The following NUSAP1 variants were observed in gnomAD, a reference collection of about 807,000 sequenced individuals.
The protein encoded by NUSAP1 is nucleolar and spindle associated protein 1.
Under a neutral mutation model 52.8 loss-of-function variants are expected in NUSAP1, and 32 were observed. The observed-to-expected ratio is 0.61, with a 90% confidence interval of 0.46 to 0.81. The LOEUF is 0.81. NUSAP1 is among the 40% of genes least tolerant of loss of function. The probability of loss-of-function intolerance (pLI) is 0.00; values close to 1 mark genes in which losing one functional copy is unlikely to be tolerated. For missense variants in NUSAP1, 499 were observed against 522.3 expected (o/e 0.96, Z 0.43); for synonymous variants, 195 against 183.1 (o/e 1.06, Z -0.52).
chr15:41,375,681 A>T, intron 8 of NUSAP1, 31 bp from the exon 9 acceptor site: 1 of 1,333,230 alleles, frequency 7.5e-7, no homozygotes, highest in Non-Finnish European at 1.1e-6. Context: ...GTTTCTAATT[A>T]AGCTCTTGGG....
At chr15:41,353,827 A>G (rs1484473876) in intron 4 of NUSAP1, among the ~76,000 whole-genome samples, 1 of 151,310 alleles carries the variant, frequency 6.6e-6, no homozygotes, top group Non-Finnish European at 1.5e-5. Flanking sequence ...AACGTCCTCC[A>G]CTCCCTCTTA....
At chr15:41,362,458 C>T (rs2049214576) in intron 6 of NUSAP1, among the ~76,000 whole-genome samples, 2 of 148,384 alleles carry the variant, frequency 1.3e-5, no homozygotes, top group Admixed American at 1.3e-4. Context: ...CGCTCTGTCA[C>T]CCAGGCTGGA....
chr15:41,359,430 G>A (rs921095289), intron 6 of NUSAP1, among the ~76,000 whole-genome samples: 6 of 152,142 alleles, frequency 3.9e-5, no homozygotes, highest in African/African-American at 1.4e-4. Flanking sequence ...AATTAGCACT[G>A]TTAGTAGGTA....
At chr15:41,367,526 G>C (rs1022367654) in intron 7 of NUSAP1, among the ~76,000 whole-genome samples, 1 of 152,184 alleles carries the variant, frequency 6.6e-6, no homozygotes, top group Non-Finnish European at 1.5e-5. Flanking sequence ...CACTCCAGAA[G>C]TGGCTCTGGT....
chr15:41,376,552 A>G (rs988734089), intron 9 of NUSAP1, among the ~76,000 whole-genome samples: 1 of 149,754 alleles, frequency 6.7e-6, no homozygotes, highest in Non-Finnish European at 1.5e-5. Context: ...TTAGCTGGGC[A>G]TGGTGGCGGG....
intron 1 of NUSAP1, among the ~76,000 whole-genome samples, chr15:41,339,491 A>G (rs1218355937): frequency 6.6e-6 from 1 of 151,298 alleles, no homozygotes; most frequent in Admixed American, 6.6e-5. Flanking sequence ...GCTCACTGCA[A>G]CCTCCACCTC....
At chr15:41,342,067 C>T (rs2048384861) in intron 1 of NUSAP1, among the ~76,000 whole-genome samples, 1 of 152,232 alleles carries the variant, frequency 6.6e-6, no homozygotes, top group African/African-American at 2.4e-5. Context: ...TATCTGAGAA[C>T]TGCCCTGTGC....
intron 8 of NUSAP1, among the ~76,000 whole-genome samples, 168 bp from the exon 9 acceptor site, chr15:41,375,544 C>T (rs961535844): frequency 1.3e-5 from 2 of 152,030 alleles, no homozygotes; most frequent in South Asian, 4.1e-4. Flanking sequence ...ATCTCCTGAC[C>T]TCGTGATCCG....
chr15:41,358,141 C>T lies in NUSAP1; in HGVS notation c.551-8C>T, dbSNP rs965727548. 5.6e-5 allele frequency: 69 copies of T among 1,236,426 alleles called. No homozygotes were observed. In the Admixed American group the frequency reaches 1.4e-3, roughly 26 times the overall value. 76.6% of individuals were successfully genotyped at this position (1,236,426 alleles called of 1,614,324 possible). ...TTTGTTATTAATTTTTATATTGGAA[C>T]ATTCTAGACTTTAAGAAGCTTCATG... On this transcript the variant is annotated splice_polypyrimidine_tract_variant and splice_region_variant and intron_variant, in intron 5 of 10. Coordinates refer to ENST00000559596, the MANE Select transcript of NUSAP1 (RefSeq NM_016359.5).
At chr15:41,379,504 A>G (rs1298382762) in intron 10 of NUSAP1, among the ~76,000 whole-genome samples, 1 of 152,048 alleles carries the variant, frequency 6.6e-6, no homozygotes, top group African/African-American at 2.4e-5. Flanking sequence ...TCAATCAGCA[A>G]GGTGTCTCCT....
chr15:41,377,333 T>C (rs1329754784), intron 10 of NUSAP1, 29 bp downstream of exon 10: 5 of 1,205,812 alleles, frequency 4.1e-6, no homozygotes, highest in Middle Eastern at 2.0e-4. Flanking sequence ...AGCTTTATAA[T>C]TATTTTAATT....
chr15:41,374,453 C>A (rs1402829548), intron 8 of NUSAP1, among the ~76,000 whole-genome samples: 1 of 152,210 alleles, frequency 6.6e-6, no homozygotes, highest in African/African-American at 2.4e-5. Flanking sequence ...AAAGGCCCTA[C>A]TTCCTTACAC....
intron 10 of NUSAP1, 150 bp downstream of exon 10, chr15:41,377,454 C>CT: frequency 2.2e-6 from 1 of 464,278 alleles, no homozygotes; most frequent in East Asian, 4.2e-5. Flanking sequence ...AATCCCAGCA[C>CT]TTTGGGAGGC....
intron 1 of NUSAP1, among the ~76,000 whole-genome samples, chr15:41,341,288 AC>A (rs1294286284): frequency 6.6e-6 from 1 of 151,660 alleles, no homozygotes; most frequent in African/African-American, 2.4e-5. Flanking sequence ...CTGGTCTAAA[AC>A]CCCTGACCTC....
In NUSAP1 at chr15:41,380,666, T is replaced by C. The variant is rs2050173402; in HGVS notation, c.*480T>C. The C allele has an allele frequency of 6.5e-6, 1 of 152,676 alleles. No homozygotes were observed. The highest frequency in any genetic ancestry group is 1.5e-5 in the Non-Finnish European group (1 of 68,428). 9.5% of individuals were successfully genotyped at this position (152,676 alleles called of 1,614,324 possible). ...GTAACCTTTATGAAACGGGGCCATA[T>C]AGTTTGGTTATGACATCAATATTTT... On this transcript the variant is annotated 3_prime_UTR_variant, in exon 11 of 11. Coordinates refer to ENST00000559596, the MANE Select transcript of NUSAP1 (RefSeq NM_016359.5).
chr15:41,373,308 A>G (rs1339761213), intron 8 of NUSAP1, among the ~76,000 whole-genome samples: 1 of 151,746 alleles, frequency 6.6e-6, no homozygotes, highest in Non-Finnish European at 1.5e-5. Context: ...ACTTGAACCC[A>G]GGAGGCAGAG....
chr15:41,366,526 C>T (rs2049423057), intron 7 of NUSAP1, among the ~76,000 whole-genome samples: 2 of 152,104 alleles, frequency 1.3e-5, no homozygotes, highest in Admixed American at 6.6e-5. Context: ...AGGTGATCTA[C>T]CTGCCTTGGC....
intron 1 of NUSAP1, among the ~76,000 whole-genome samples, chr15:41,333,817 C>T (rs1274464787): frequency 6.6e-6 from 1 of 152,108 alleles, no homozygotes; most frequent in Non-Finnish European, 1.5e-5. Flanking sequence ...GAGGCTGAGG[C>T]AGAAGAATCG....
intron 1 of NUSAP1, 140 bp downstream of exon 1, chr15:41,333,190 G>C: frequency 1.5e-6 from 1 of 652,466 alleles, no homozygotes; most frequent in Non-Finnish European, 2.7e-6. Flanking sequence ...TGTGGTTCAC[G>C]GTAGTCCCAG....
Sources: allele counts gnomAD v4.1 joint callset (sites outside exome capture counted in the v4.1 genomes callset), GRCh38; gene constraint gnomAD v4.1.1; transcripts MANE v1.5; gene names NCBI Gene and HGNC (gene_info 2026-07-23, HGNC 2026-07-21).